The following TASP1 variants were observed in gnomAD, a reference collection of about 807,000 sequenced individuals.
TASP1 encodes the protein taspase 1, also known as threonine aspartase 1.
In TASP1, 16 loss-of-function variants were observed where a neutral mutation model predicts 56.6. The observed-to-expected ratio is 0.28, with a 90% CI of 0.19 to 0.43. The LOEUF (loss-of-function observed/expected upper bound fraction) is 0.43, where lower values mean the gene tolerates loss of function less well. Among genes scored for constraint, TASP1 ranks in the 20% least tolerant of loss-of-function variants. The pLI, the probability that TASP1 is intolerant of heterozygous loss-of-function variation, is 1.00. For missense variants in TASP1, 393 were observed against 511.6 expected, an observed-to-expected ratio of 0.77 and a Z score of 2.24; for synonymous variants, 179 against 184.2, an observed-to-expected ratio of 0.97 and a Z score of 0.23.
intron 5 of TASP1, among the ~76,000 whole-genome samples, chr20:13,583,553 T>G (rs773894789): frequency 6.6e-6 from 1 of 152,214 alleles, no homozygotes; most frequent in East Asian, 1.9e-4. Context: ...TGTCTTCTAG[T>G]TTTACCCAGA....
At chr20:13,370,875 T>G in the TASP1 span, among the ~76,000 whole-genome samples, 1 of 152,300 alleles carries the variant, frequency 6.6e-6, no homozygotes, top group Admixed American at 6.5e-5. Context: ...ATTTTCTATT[T>G]CTTTTTAAGT....
chr20:13,470,452 T>C (rs1374150446), intron 11 of TASP1, among the ~76,000 whole-genome samples: 1 of 152,164 alleles, frequency 6.6e-6, no homozygotes, highest in African/African-American at 2.4e-5. Flanking sequence ...TTTTTCCTTT[T>C]ATTCCCAATC....
At chr20:13,444,261 A>C (rs1389839441) in intron 11 of TASP1, among the ~76,000 whole-genome samples, 1 of 152,198 alleles carries the variant, frequency 6.6e-6, no homozygotes, top group East Asian at 1.9e-4. Flanking sequence ...ATTTATCAAG[A>C]GAGGCATTCT....
At chr20:13,324,589 C>T in the TASP1 span, among the ~76,000 whole-genome samples, 1 of 152,170 alleles carries the variant, frequency 6.6e-6, no homozygotes, top group African/African-American at 2.4e-5. Flanking sequence ...CTTAATCATG[C>T]TCATCTATTT....
chr20:13,300,176 A>G, the TASP1 span: 2 of 152,214 alleles, frequency 1.3e-5, no homozygotes, highest in African/African-American at 2.4e-5. Flanking sequence ...TAAAAGATCA[A>G]TATTATCATA....
chr20:13,119,302 AT>A, the TASP1 span, among the ~76,000 whole-genome samples: 1 of 152,128 alleles, frequency 6.6e-6, no homozygotes, highest in African/African-American at 2.4e-5. Context: ...TGGATGTCAC[AT>A]TTTTCCCCCT....
chr20:13,572,516 T>C (rs2046752622), intron 6 of TASP1, among the ~76,000 whole-genome samples: 1 of 151,860 alleles, frequency 6.6e-6, no homozygotes, highest in Admixed American at 6.6e-5. Context: ...AAACCCTGTC[T>C]TTACCAAAAC....
At chr20:13,135,034 TG>T in the TASP1 span, among the ~76,000 whole-genome samples, 1 of 152,228 alleles carries the variant, frequency 6.6e-6, no homozygotes, top group Non-Finnish European at 1.5e-5. Context: ...CATAACTTTT[TG>T]AAGTATGTAA....
the TASP1 span, among the ~76,000 whole-genome samples, chr20:13,268,135 T>TCTTCTCTTCTCTTCTCTTCTCTTCC: frequency 4.0e-5 from 6 of 150,350 alleles, no homozygotes; most frequent in Admixed American, 4.0e-4. Flanking sequence ...TCTTCTCTTC[T>TCTTCTCTTCTCTTCTCTTCTCTTCC]CTTCTCTTCT....
At chr20:13,183,618 T>C in the TASP1 span, among the ~76,000 whole-genome samples, 1 of 152,186 alleles carries the variant, frequency 6.6e-6, no homozygotes, top group Non-Finnish European at 1.5e-5. Flanking sequence ...GAAATGAGAA[T>C]TTTACAAATA....
At chr20:13,186,176 G>A in the TASP1 span, among the ~76,000 whole-genome samples, 2 of 152,176 alleles carry the variant, frequency 1.3e-5, no homozygotes, top group African/African-American at 4.8e-5. Context: ...CTTACCTCCA[G>A]GAATGCCACA....
At chr20:13,303,879 C>T in the TASP1 span, among the ~76,000 whole-genome samples, 11 of 152,182 alleles carry the variant, frequency 7.2e-5, no homozygotes, top group Non-Finnish European at 1.6e-4. Flanking sequence ...TATGATGTTA[C>T]ATTATTTAAG....
chr20:13,210,249 T>C, the TASP1 span, among the ~76,000 whole-genome samples: 26 of 152,158 alleles, frequency 1.7e-4, no homozygotes, highest in Non-Finnish European at 2.5e-4. Context: ...TTATCCATTC[T>C]AAAATTGATA....
At chr20:13,351,985 G>GTA in the TASP1 span, among the ~76,000 whole-genome samples, 2 of 152,182 alleles carry the variant, frequency 1.3e-5, no homozygotes, top group Admixed American at 6.6e-5. Context: ...GAATTTAACT[G>GTA]TAAGTAGCCA....
intron 4 of TASP1, among the ~76,000 whole-genome samples, chr20:13,623,179 G>A (rs1235931816): frequency 6.6e-6 from 1 of 151,742 alleles, no homozygotes; most frequent in African/African-American, 2.4e-5. Context: ...ACTGAAAATG[G>A]GAAACTTAAG....
At chr20:13,212,155 T>C in the TASP1 span, among the ~76,000 whole-genome samples, 1 of 152,048 alleles carries the variant, frequency 6.6e-6, no homozygotes, top group African/African-American at 2.4e-5. Flanking sequence ...TTGGGTGGGG[T>C]CGGTGTAACT....
At chr20:13,394,643 A>G (rs2041454907) in intron 13 of TASP1, among the ~76,000 whole-genome samples, 1 of 151,808 alleles carries the variant, frequency 6.6e-6, no homozygotes, top group Non-Finnish European at 1.5e-5. Context: ...TTTTTTTTAA[A>G]GTATAGACTA....
the TASP1 span, among the ~76,000 whole-genome samples, chr20:13,198,843 TTTCTTTCTTTCTTTCC>T: frequency 0.01 from 1,198 of 116,818 alleles, 6 homozygotes; most frequent in Non-Finnish European, 0.018. Flanking sequence ...TCTTTCTTTC[TTTCTTTCTTTCTTTCC>T]TTCCTTCCTT....
chr20:13,608,413 A>G (rs2048235588), intron 4 of TASP1, among the ~76,000 whole-genome samples: 2 of 152,228 alleles, frequency 1.3e-5, no homozygotes, highest in Non-Finnish European at 1.5e-5. Context: ...AATTCAACAA[A>G]TATTTATTGG....
Sources: gnomAD v4.1 joint callset for allele counts (sites outside exome capture counted in the v4.1 genomes callset) on GRCh38, gnomAD v4.1.1 for gene constraint, MANE v1.5 for transcripts, NCBI Gene and HGNC (gene_info 2026-07-23, HGNC 2026-07-21) for gene names.